TMCO6: variants seen among roughly 807,000 people sequenced by gnomAD.
TMCO6 encodes transmembrane and coiled-coil domains 6, also known as transmembrane and coiled-coil domain-containing protein 6.
TMCO6 carries 47 observed loss-of-function variants against 61.8 expected under a neutral mutation model. The observed-to-expected ratio is 0.76, with a 90% confidence interval of 0.60 to 0.97. The LOEUF (loss-of-function observed/expected upper bound fraction) is 0.97, where lower values mean the gene tolerates loss of function less well. Among genes scored for constraint, TMCO6 ranks in the 50% least tolerant of loss-of-function variants. The pLI is 0.00. For missense variants in TMCO6, 557 were observed against 601.6 expected (o/e 0.93, Z 0.78); for synonymous variants, 261 against 254.2 (o/e 1.03, Z -0.25).
At chr5:140,633,067 A>C in the TMCO6 span, 7 of 1,613,918 alleles carry the variant, frequency 4.3e-6, no homozygotes, top group South Asian at 7.7e-5. Flanking sequence ...CCCTACACTC[A>C]CCATGGTCGA....
At chr5:140,632,757 T>A in the TMCO6 span, 1 of 1,613,290 alleles carries the variant, frequency 6.2e-7, no homozygotes, top group South Asian at 1.1e-5. This position sits in a 1 kb window ranked among gnomAD's most constrained non-coding sequence, Gnocchi z 6.2. Context: ...CGGGTCGGCG[T>A]CCGCATCGAC....
At chr5:140,624,854 TTC>T in the TMCO6 span, among the ~76,000 whole-genome samples, 29,198 of 113,402 alleles carry the variant, frequency 0.26, 3,678 homozygotes, top group African/African-American at 0.3. Flanking sequence ...CTTTCTTTCT[TTC>T]TTTTTTTTTT....
At chr5:140,628,054 G>A in the TMCO6 span, among the ~76,000 whole-genome samples, 6 of 146,804 alleles carry the variant, frequency 4.1e-5, no homozygotes, top group Middle Eastern at 3.8e-3. Context: ...TGTTGCCCAC[G>A]CTGGAGTGCA....
the TMCO6 span, chr5:140,632,426 G>A: frequency 1.2e-6 from 2 of 1,614,238 alleles, no homozygotes; most frequent in Non-Finnish European, 1.7e-6. This position sits in a 1 kb window ranked among gnomAD's most constrained non-coding sequence, Gnocchi z 6.2. Flanking sequence ...CCTGTTCGCA[G>A]GAAAAGGCAG....
chr5:140,613,895 TTG>T, the TMCO6 span, among the ~76,000 whole-genome samples: 255 of 146,712 alleles, frequency 1.7e-3, no homozygotes, highest in Admixed American at 4.7e-3. Context: ...TTTTTTTTTG[TTG>T]TTGTTGTTGT....
the TMCO6 span, among the ~76,000 whole-genome samples, chr5:140,633,865 C>A: frequency 7.4e-5 from 11 of 148,906 alleles, no homozygotes; most frequent in Admixed American, 6.1e-4. Flanking sequence ...TCTCGGCTCA[C>A]TGCAACCTCC....
intron 2 of TMCO6, 195 bp from the exon 3 acceptor site, chr5:140,641,470 C>T: frequency 3.4e-6 from 2 of 585,212 alleles, no homozygotes; most frequent in East Asian, 2.9e-5. Context: ...GAGTAAGTGG[C>T]AGGTATGGTA....
chr5:140,619,118 C>T, the TMCO6 span, among the ~76,000 whole-genome samples: 2 of 152,036 alleles, frequency 1.3e-5, no homozygotes, highest in Non-Finnish European at 1.5e-5. Flanking sequence ...TTTTAAAACT[C>T]AACAATAAAA....
the TMCO6 span, among the ~76,000 whole-genome samples, chr5:140,613,854 T>G: frequency 0.32 from 48,252 of 151,798 alleles, 9,566 homozygotes; most frequent in East Asian, 0.53. Flanking sequence ...ATTACAGGCA[T>G]GAGCCACTGC....
rs1315842525 is a variant in TMCO6 at position 140,643,977 on chromosome 5, T to C, written c.1105+11T>C. 6.2e-7 allele frequency: 1 copy of C among 1,614,124 alleles called. No individual in the cohort carries two copies. Among genetic ancestry groups the C allele is most frequent in the Non-Finnish European group, 8.5e-7 (1 of 1,179,958 alleles). On this transcript the variant is annotated intron_variant, in intron 9 of 11. Coordinates refer to ENST00000394671, the MANE Select transcript of TMCO6 (RefSeq NM_018502.5). ...TCAACAACCTCACTGGTACGCACCA[T>C]AATCTGCCCAGGCCTGGACATTTGG... is the stretch of plus-strand genomic sequence containing the variant.
chr5:140,620,340 G>A, the TMCO6 span, among the ~76,000 whole-genome samples: 1 of 152,174 alleles, frequency 6.6e-6, no homozygotes, highest in Non-Finnish European at 1.5e-5. Context: ...TATATTGACA[G>A]TTTAAAAATT....
At chr5:140,622,724 CAAAAA>C in the TMCO6 span, among the ~76,000 whole-genome samples, 4,446 of 105,844 alleles carry the variant, frequency 0.042, 209 homozygotes, top group African/African-American at 0.13. Context: ...GCTTTAGCTA[CAAAAA>C]AAAAAAAAAA....
chr5:140,632,292 T>C, the TMCO6 span: 10 of 1,613,876 alleles, frequency 6.2e-6, no homozygotes, highest in Non-Finnish European at 6.8e-6. This position sits in a 1 kb window ranked among gnomAD's most constrained non-coding sequence, Gnocchi z 6.2. Context: ...CATTCCTGTG[T>C]TGCGCAGCGC....
chr5:140,618,997 C>G, the TMCO6 span, among the ~76,000 whole-genome samples: 1 of 152,202 alleles, frequency 6.6e-6, no homozygotes, highest in East Asian at 1.9e-4. Flanking sequence ...TAAAAAGTCT[C>G]CTCTATGAAA....
Position 140,639,472 on chromosome 5 carries a change from G to T in TMCO6, c.-56G>T, listed in dbSNP as rs1489515970. On this transcript the variant is annotated 5_prime_UTR_variant, in exon 1 of 12. Transcript: ENST00000394671. ...CTGCGCAGTCGGTGCCATCTTCTAC[G>T]CCCCTGGGAGCGTTGTGGCTGCTGT... is the stretch of plus-strand genomic sequence containing the variant. The T allele has an allele frequency of 2.0e-6, 3 of 1,516,496 alleles. No homozygotes were observed. Among genetic ancestry groups the T allele is most frequent in the Admixed American group, 3.9e-5 (2 of 50,890 alleles). 93.9% of individuals were successfully genotyped at this position (1,516,496 alleles called of 1,614,324 possible).
At chr5:140,613,396 A>AT in the TMCO6 span, among the ~76,000 whole-genome samples, 1 of 100,322 alleles carries the variant, frequency 1.0e-5, no homozygotes, top group East Asian at 3.7e-4. Flanking sequence ...TAAAAAAAAA[A>AT]AAAAAAAAAA....
the TMCO6 span, among the ~76,000 whole-genome samples, chr5:140,627,651 A>G: frequency 6.6e-6 from 1 of 152,138 alleles, no homozygotes; most frequent in Admixed American, 6.5e-5. Flanking sequence ...ACACACACAC[A>G]ACATATGTAA....
rs531051252 is a variant in TMCO6, at chr5:140,644,088, C to T, written c.1106-12C>T. ...GGGAAAGCAGTTTTTCACCCTGGTA[C>T]TTCTCTTCCAGCAAACAGTCCTAGT... On this transcript the variant is annotated splice_polypyrimidine_tract_variant and intron_variant, in intron 9 of 11. Coordinates refer to ENST00000394671, the MANE Select transcript of TMCO6 (RefSeq NM_018502.5). 1.9e-6 allele frequency: 3 copies of T among 1,613,990 alleles called. No homozygotes were observed. The highest frequency in any genetic ancestry group is 2.5e-6 in the Non-Finnish European group (3 of 1,179,952).
In TMCO6 at chr5:140,639,604, G is replaced by T. The variant is rs1021668916; in HGVS notation, c.77G>T (p.Arg26Leu). Residue 26 changes from arginine to leucine, a missense_variant, in exon 1 of 12, where the codon CGG becomes CTG. Coordinates refer to ENST00000394671, the MANE Select transcript of TMCO6 (RefSeq NM_018502.5). ...VEELRRRRRE[R>L]EAALRKARRE... ...GAGCTACGGCGCCGCCGGCGGGAGC[G>T]GGAGGCAGGTGTGGGCGGCCGAGGG... 3 of 1,543,844 alleles carry T rather than the reference G, an allele frequency of 1.9e-6. No homozygotes were observed. The Admixed American group carries it at 6.0e-5, about 31-fold the overall frequency.
Sources: gnomAD v4.1 joint callset for allele counts (sites outside exome capture counted in the v4.1 genomes callset) on GRCh38, gnomAD v4.1.1 for gene constraint, Gnocchi (gnomAD v3.1) non-coding constraint, MANE v1.5 for transcripts, NCBI Gene and HGNC (gene_info 2026-07-23, HGNC 2026-07-21) for gene names.